The following FLG variants were observed in gnomAD, a reference collection of about 807,000 sequenced individuals.
FLG encodes epidermal filaggrin.
Under a neutral mutation model 3.8 loss-of-function variants are expected in FLG, and 6 were observed. The observed-to-expected ratio is 1.60, with a 90% CI of 0.87 to 3.15. FLG has a LOEUF of 3.15. Among genes scored for constraint, FLG ranks in the 30% most tolerant of loss-of-function variants. FLG has a pLI of 0.00. For synonymous variants in FLG, 2,551 were observed against 1,931.6 expected, an observed-to-expected ratio of 1.32 and a Z score of -8.41; for missense variants, 7,595 against 5,050.9, an observed-to-expected ratio of 1.50 and a Z score of -15.27.
Position 152,308,314 on chromosome 1 carries a change from C to A in FLG, c.6572G>T (p.Arg2191Ile), listed in dbSNP as rs1488315952. The A allele has an allele frequency of 5.6e-6, 9 of 1,613,692 alleles. No individual in the cohort carries two copies. Among genetic ancestry groups the A allele is most frequent in the Non-Finnish European group, 6.8e-6 (8 of 1,179,782 alleles). The stretch of plus-strand genomic sequence containing the variant: ...TGATTGTTCCTTGTCATATGTTTTT[C>A]TGCTTGCACTTCTGGATCCTGACTG... ...RGQSGSRSAS[R>I]KTYDKEQSGD... Residue 2191 changes from arginine to isoleucine, a missense_variant, in exon 3 of 3, where the codon AGA becomes ATA. Transcript: ENST00000368799.
chr1:152,313,643 G>C lies in FLG; in HGVS notation c.1243C>G (p.Arg415Gly). 6.2e-7 allele frequency: 1 copy of C among 1,612,892 alleles called. No homozygotes were observed. The change falls in exon 3 of 3, where the codon CGG (arginine) becomes GGG (glycine). Residue 415 changes from arginine to glycine, a missense_variant. Arg to Gly is a moderately radical substitution (Grantham distance 125, BLOSUM62 -2). Coordinates refer to ENST00000368799, the MANE Select transcript of FLG (RefSeq NM_002016.2). ...ASSAVSDRGH[R>G]GSSGSQASDS... is the part of the protein sequence containing the mutation. ...CTGGCCTGACTACCGCTAGACCCCC[G>C]GTGTCCACGATCGCTGACTGCAGAT... is the stretch of plus-strand genomic sequence containing the variant.
intron 1 of FLG, among the ~76,000 whole-genome samples, chr1:152,322,720 G>A (rs2101659051): frequency 6.6e-6 from 1 of 151,312 alleles, no homozygotes; most frequent in Non-Finnish European, 1.5e-5. Flanking sequence ...TATAAATATT[G>A]AGATAAAGAT....
At chr1:152,318,923 AAGG>A (rs1040827041) in intron 1 of FLG, among the ~76,000 whole-genome samples, 7 of 151,852 alleles carry the variant, frequency 4.6e-5, no homozygotes, top group Non-Finnish European at 1.0e-4. Flanking sequence ...ACTTTAAGGA[AAGG>A]AGGTTTTGTG....
Position 152,307,298 on chromosome 1 carries a change from A to C in FLG, c.7588T>G (p.Ser2530Ala). 6.2e-7 allele frequency: 1 copy of C among 1,613,138 alleles called. No individual in the cohort carries two copies. The highest frequency in any genetic ancestry group is 8.5e-7 in the Non-Finnish European group (1 of 1,179,922). ...DEQSGDGSRH[S>A]GSRHHEASSR... ...GAAGCTTCATGGTGACGCGACCCTG[A>C]GTGCCTGGAGCCGTCTCCTGATTGT... Residue 2530 changes from serine (S) to alanine (A), a missense_variant, in exon 3 of 3, where the codon TCA (serine) becomes GCA (alanine). Physicochemically the swap from Ser to Ala is moderately conservative, Grantham distance 99 (BLOSUM62 1). Coordinates refer to ENST00000368799, the MANE Select transcript of FLG (RefSeq NM_002016.2).
rs1203718709 is a variant in FLG at position 152,309,700 on chromosome 1, G to C, written c.5186C>G (p.Ser1729Ter). ...ASDSEGHSEE[S>*]DTQSVSAHGQ... Reference sequence around the variant, plus strand: ...GTGGGCTGACACTGACTGTGTGTCTGACTCTTCTGAGTGTCCCTCGCTGTC... The same window carrying C: ...GTGGGCTGACACTGACTGTGTGTCTCACTCTTCTGAGTGTCCCTCGCTGTC... Residue 1729 changes from serine (S) to a stop codon, truncating the protein, a stop_gained, in exon 3 of 3, where the codon TCA (serine) becomes TGA (stop). Transcript: ENST00000368799. LOFTEE classifies it low-confidence loss of function (END_TRUNC). 6 of 1,613,886 alleles carry C rather than the reference G, an allele frequency of 3.7e-6. No homozygotes were observed. The highest frequency in any genetic ancestry group is 1.6e-4 in the Middle Eastern group (1 of 6,084).
chr1:152,314,865 C>G (rs1334130482), intron 2 of FLG, 118 bp from the exon 3 acceptor site: 8 of 1,073,750 alleles, frequency 7.5e-6, no homozygotes, highest in Non-Finnish European at 1.0e-5. Flanking sequence ...GGGACAAAAT[C>G]TTTTTTTTTT....
In FLG at chr1:152,310,417, C is replaced by T. The variant is rs143101193; in HGVS notation, c.4469G>A (p.Arg1490His). ...TCCTCTGCTTGACCCCGGGTGTCCACGAATGGTGTCCTGACCGTCTTGGGA... is the reference window on the plus strand; with the variant it reads ...TCCTCTGCTTGACCCCGGGTGTCCATGAATGGTGTCCTGACCGTCTTGGGA... ...SASQDGQDTI[R>H]GHPGSSRGGR... is the part of the protein sequence containing the mutation. The change falls in exon 3 of 3, where the codon CGT becomes CAT. Residue 1490 changes from arginine to histidine, a missense_variant. Physicochemically the swap from Arg to His is conservative, Grantham distance 29 (BLOSUM62 0). Coordinates refer to ENST00000368799, the MANE Select transcript of FLG (RefSeq NM_002016.2). 5.6e-5 allele frequency: 90 copies of T among 1,613,344 alleles called. No individual in the cohort carries two copies. The highest frequency in any genetic ancestry group is 4.8e-4 in the Admixed American group (29 of 59,918).
chr1:152,313,854 G>A lies in FLG; in HGVS notation c.1032C>T (p.Ala344=), dbSNP rs564250423. Residue 344 remains alanine (A), a synonymous_variant, in exon 3 of 3, where the codon GCC becomes GCT. Transcript: ENST00000368799. ...RHPRSHDEDR[A]SHGHSADSSR... is the part of the protein sequence containing the mutation. The stretch of plus-strand genomic sequence containing the variant: ...AGCTGTCTGCAGAGTGCCCATGACT[G>A]GCTCTGTCTTCATCATGGGACCTGG... The A allele has an allele frequency of 8.7e-6, 14 of 1,613,972 alleles. No individual in the cohort carries two copies. The East Asian group carries it at 2.2e-4, about 26-fold the overall frequency.
Position 152,308,245 on chromosome 1 carries a change from G to A in FLG, c.6641C>T (p.Ser2214Phe), listed in dbSNP as rs1267660727. The change falls in exon 3 of 3, where the codon TCC becomes TTC. Residue 2214 changes from serine (S) to phenylalanine (F), a missense_variant. Ser to Phe is a radical substitution (Grantham distance 155). Transcript: ENST00000368799. ...RHSGSHHHEA[S>F]SWADSSRHSL... ...GTGTCTAGAGCTGTCGGCCCAAGAG[G>A]AAGCTTCATGATGATGCGACCCTGA... The A allele has an allele frequency of 3.1e-6, 5 of 1,614,002 alleles. No homozygotes were observed. In the South Asian group the frequency reaches 5.5e-5, roughly 18 times the overall value.
chr1:152,310,040 T>C lies in FLG; in HGVS notation c.4846A>G (p.Arg1616Gly). The C allele has an allele frequency of 1.2e-6, 2 of 1,613,912 alleles. No individual in the cohort carries two copies. The highest frequency in any genetic ancestry group is 1.7e-6 in the Non-Finnish European group (2 of 1,179,992). Residue 1616 changes from arginine (R) to glycine (G), a missense_variant, in exon 3 of 3, where the codon AGA (arginine) becomes GGA (glycine). Physicochemically the swap from Arg to Gly is moderately radical, Grantham distance 125. Transcript: ENST00000368799. ...TCCCGAGCAGATCCATAATGGTTTCTGGAAGCCGACTCAGACCGCCTCTCA... is the reference window on the plus strand; with the variant it reads ...TCCCGAGCAGATCCATAATGGTTTCCGGAAGCCGACTCAGACCGCCTCTCA... ...DSERRSESASRNHYGSAREQS... is the reference protein window; with the variant it reads ...DSERRSESASGNHYGSAREQS...
At position 152,308,643 on chromosome 1, in the gene FLG, C is replaced by T; in HGVS notation, c.6243G>A (p.Gly2081=). 1.9e-6 allele frequency: 3 copies of T among 1,614,086 alleles called. No individual in the cohort carries two copies. The highest frequency in any genetic ancestry group is 3.3e-4 in the Middle Eastern group (2 of 6,062). Residue 2081 remains glycine, a synonymous_variant, in exon 3 of 3, where the codon GGG becomes GGA. Transcript: ENST00000368799. The part of the protein sequence containing the change: ...SHKESARGQS[G]ESSGRSGSFL... The stretch of plus-strand genomic sequence containing the variant: ...AAGACCCTGAACGTCCAGAGCTTTC[C>T]CCTGACTGGCCACGTGCGGACTCTT...
At position 152,305,074 on chromosome 1, in the gene FLG, G is replaced by A. The variant is rs200552322; in HGVS notation, c.9812C>T (p.Ser3271Phe). 1 of 1,613,934 alleles carries A rather than the reference G, an allele frequency of 6.2e-7. No homozygotes were observed. The highest frequency in any genetic ancestry group is 8.5e-7 in the Non-Finnish European group (1 of 1,179,968). ...RAGHGHSADR[S>F]RQSGTRHAET... ...TGCGTGACGAGTGCCTGATTGTCTG[G>A]AGCGGTCTGCAGAGTGCCCGTGACC... Residue 3271 changes from serine (S) to phenylalanine (F), a missense_variant, in exon 3 of 3, where the codon TCC (serine) becomes TTC (phenylalanine). Coordinates refer to ENST00000368799, the MANE Select transcript of FLG (RefSeq NM_002016.2).
chr1:152,304,831 G>A lies in FLG; in HGVS notation c.10055C>T (p.Thr3352Ile). The A allele has an allele frequency of 6.2e-7, 1 of 1,613,862 alleles. No homozygotes were observed. Among genetic ancestry groups the A allele is most frequent in the Non-Finnish European group, 8.5e-7 (1 of 1,179,998 alleles). ...DSEGHSEESD[T>I]QSVSGHGQAG... is the part of the protein sequence containing the mutation. ...CTGTCCATGGCCTGACACTGACTGT[G>A]TGTCTGACTCTTCTGAATGTCCCTC... Residue 3352 changes from threonine to isoleucine, a missense_variant, in exon 3 of 3, where the codon ACA becomes ATA. Thr to Ile is a moderately conservative substitution (Grantham distance 89, BLOSUM62 -1). Transcript: ENST00000368799.
In FLG at chr1:152,303,730, T is replaced by G; in HGVS notation, c.11156A>C (p.Gln3719Pro). ...AGCCCGTCCATGGGCAGACTCAGACTGTTCATGAGTGCTCACCTGGTAGAG... is the reference window on the plus strand; with the variant it reads ...AGCCCGTCCATGGGCAGACTCAGACGGTTCATGAGTGCTCACCTGGTAGAG... ...SFLYQVSTHE[Q>P]SESAHGRAGP... Residue 3719 changes from glutamine to proline, a missense_variant, in exon 3 of 3, where the codon CAG (glutamine) becomes CCG (proline). Physicochemically the swap from Gln to Pro is moderately conservative, Grantham distance 76. Transcript: ENST00000368799. 1 of 1,614,004 alleles carries G rather than the reference T, an allele frequency of 6.2e-7. No homozygotes were observed. Among genetic ancestry groups the G allele is most frequent in the Non-Finnish European group, 8.5e-7 (1 of 1,179,954 alleles).
rs561298363 is a variant in FLG, at chr1:152,311,899, C to A, written c.2987G>T (p.Gly996Val). 6.2e-7 allele frequency: 1 copy of A among 1,614,106 alleles called. No individual in the cohort carries two copies. The highest frequency in any genetic ancestry group is 1.7e-5 in the Admixed American group (1 of 60,020). The change falls in exon 3 of 3, where the codon GGG becomes GTG. Residue 996 changes from glycine to valine, a missense_variant. Gly to Val is a moderately radical substitution (Grantham distance 109). Coordinates refer to ENST00000368799, the MANE Select transcript of FLG (RefSeq NM_002016.2). ...TTGTCTGGAGCTGTCTGCAGAGTGC[C>A]CGTGACCGGCTCTGTCTTCGTGATG... is the stretch of plus-strand genomic sequence containing the variant. ...RSHHEDRAGH[G>V]HSADSSRQSG...
rs1177012271 is a variant in FLG at position 152,313,870 on chromosome 1, T to C, written c.1016A>G (p.His339Arg). Residue 339 changes from histidine (H) to arginine (R), a missense_variant, in exon 3 of 3, where the codon CAT becomes CGT. Transcript: ENST00000368799. ...SRDGSRHPRS[H>R]DEDRASHGHS... Reference sequence around the variant, plus strand: ...CCCATGACTGGCTCTGTCTTCATCATGGGACCTGGGGTGTCTGGAGCCATC... The same window carrying C: ...CCCATGACTGGCTCTGTCTTCATCACGGGACCTGGGGTGTCTGGAGCCATC... 3.7e-6 allele frequency: 6 copies of C among 1,613,900 alleles called. No individual in the cohort carries two copies. The highest frequency in any genetic ancestry group is 4.5e-5 in the East Asian group (2 of 44,862).
At position 152,314,480 on chromosome 1, in the gene FLG, C is replaced by G; in HGVS notation, c.406G>C (p.Gly136Arg). ...GGGCTCTTGGATCTTCCCTTATTCC[C>G]TTTTCTATTGTTTCTTCTTTCCAGA... ...SSLERRNNRK[G>R]NKGRSKSPRE... Residue 136 changes from glycine (G) to arginine (R), a missense_variant, in exon 3 of 3, where the codon GGG (glycine) becomes CGG (arginine). Transcript: ENST00000368799. 1 of 1,613,420 alleles carries G rather than the reference C, an allele frequency of 6.2e-7. No individual in the cohort carries two copies. Among genetic ancestry groups the G allele is most frequent in the South Asian group, 1.1e-5 (1 of 91,056 alleles).
rs146382866 is a variant in FLG at position 152,311,943 on chromosome 1, G to A, written c.2943C>T (p.Gly981=). The A allele has an allele frequency of 1.9e-6, 3 of 1,614,106 alleles. No individual in the cohort carries two copies. The highest frequency in any genetic ancestry group is 4.5e-5 in the East Asian group (2 of 44,846). The change falls in exon 3 of 3, where the codon GGC becomes GGT. Residue 981 remains glycine, a synonymous_variant. Transcript: ENST00000368799. ...CGTGATGGGACCTGGGGTGTCTGGA[G>A]CCATGTCTTGACTGCTCCTGAGCAG... The part of the protein sequence containing the change: ...RGSAQEQSRH[G]SRHPRSHHED...
intron 1 of FLG, among the ~76,000 whole-genome samples, chr1:152,321,419 A>C (rs1652964695): frequency 6.6e-6 from 1 of 150,988 alleles, no homozygotes; most frequent in Non-Finnish European, 1.5e-5. Flanking sequence ...AAAACTGATA[A>C]CCCCTGCAAG....
Sources: gnomAD v4.1 joint callset for allele counts (sites outside exome capture counted in the v4.1 genomes callset) on GRCh38, gnomAD v4.1.1 for gene constraint, MANE v1.5 for transcripts, NCBI Gene and HGNC (gene_info 2026-07-23, HGNC 2026-07-21) for gene names.